The following CLTC variants were observed in gnomAD, a reference collection of about 807,000 sequenced individuals.
CLTC encodes clathrin heavy chain 1.
CLTC carries 16 observed loss-of-function variants against 195.8 expected under a neutral mutation model. The ratio of observed to expected loss-of-function variants is 0.08; its 90% confidence interval spans 0.06 to 0.12. The LOEUF (loss-of-function observed/expected upper bound fraction) is 0.12, where lower values mean the gene tolerates loss of function less well. Ranked by LOEUF, CLTC falls within the 10% of genes least tolerant of loss-of-function variation. The pLI is 1.00. For synonymous variants in CLTC, 667 were observed against 689.4 expected (o/e 0.97, Z 0.51); for missense variants, 796 against 2,027.0 (o/e 0.39, Z 11.66).
rs1245547029 is a variant in CLTC at position 59,681,446 on chromosome 17, C to T, written c.3217C>T (p.Arg1073Trp). ...ELFEEAFAIF[R>W]KFDVNTSAVQ... ...GTTTGAAGAAGCATTTGCCATTTTC[C>T]GGAAATTTGATGTCAATACTTCAGC... The change falls in exon 20 of 32, where the codon CGG becomes TGG. Residue 1073 changes from arginine (R) to tryptophan (W), a missense_variant. Arg to Trp is a moderately radical substitution (Grantham distance 101, BLOSUM62 -3). This residue lies in a region of CLTC where 160 missense variants were observed against 448.2 expected (regional missense o/e 0.36). Transcript: ENST00000269122. This position sits in a 1 kb window ranked among gnomAD's most constrained non-coding sequence, Gnocchi z 5.0. 5.0e-6 allele frequency: 8 copies of T among 1,613,942 alleles called. No individual in the cohort carries two copies. Among genetic ancestry groups the T allele is most frequent in the Admixed American group, 1.7e-5 (1 of 59,996 alleles).
intron 10 of CLTC, among the ~76,000 whole-genome samples, 163 bp from the exon 11 acceptor site, chr17:59,665,940 T>C (rs1396894709): frequency 1.3e-5 from 2 of 152,232 alleles, no homozygotes; most frequent in African/African-American, 4.8e-5. Context: ...GTTGTTTTTA[T>C]CAGAACTCAA....
intron 31 of CLTC, 25 bp from the exon 32 acceptor site, chr17:59,693,703 T>A (rs1356285566): frequency 3.7e-6 from 6 of 1,604,246 alleles, no homozygotes; most frequent in Admixed American, 3.4e-5. Context: ...TGCCCCCTGC[T>A]CCTTTTTGTT....
chr17:59,629,773 C>A (rs2143451694), intron 1 of CLTC, among the ~76,000 whole-genome samples: 1 of 152,218 alleles, frequency 6.6e-6, no homozygotes, highest in East Asian at 1.9e-4. Context: ...CCTGCTTTGG[C>A]CTCCCAAAGT....
At chr17:59,641,875 A>G (rs1426259428) in intron 1 of CLTC, among the ~76,000 whole-genome samples, 1 of 151,834 alleles carries the variant, frequency 6.6e-6, no homozygotes, top group Non-Finnish European at 1.5e-5. Context: ...TTTTGCAGAG[A>G]TGGGGTCTCA....
At chr17:59,651,178 T>A (rs2032319575) in intron 4 of CLTC, 25 bp from the exon 5 acceptor site, 3 of 1,443,870 alleles carry the variant, frequency 2.1e-6, no homozygotes, top group Admixed American at 3.4e-5. Flanking sequence ...TAGGTTTATA[T>A]ACATTTTGAT....
At chr17:59,658,482 C>T (rs1217472161) in intron 6 of CLTC, among the ~76,000 whole-genome samples, 1 of 152,196 alleles carries the variant, frequency 6.6e-6, no homozygotes, top group African/African-American at 2.4e-5. Context: ...GTGCCAGCTA[C>T]TTTGAGTAAA....
At chr17:59,632,218 A>G (rs2031740991) in intron 1 of CLTC, among the ~76,000 whole-genome samples, 1 of 151,856 alleles carries the variant, frequency 6.6e-6, no homozygotes, top group Non-Finnish European at 1.5e-5. Flanking sequence ...AATACAAAAA[A>G]TTAGCTGGGC....
At chr17:59,626,345 C>G (rs900110617) in intron 1 of CLTC, among the ~76,000 whole-genome samples, 1 of 152,058 alleles carries the variant, frequency 6.6e-6, no homozygotes, top group African/African-American at 2.4e-5. Flanking sequence ...GAAACTGCCC[C>G]CCAAAAAGAA....
intron 1 of CLTC, among the ~76,000 whole-genome samples, chr17:59,635,039 A>G (rs1021589247): frequency 2.6e-5 from 4 of 152,242 alleles, no homozygotes; most frequent in Non-Finnish European, 5.9e-5. Context: ...AAATGCTTGT[A>G]TTGAGAGATG....
intron 6 of CLTC, among the ~76,000 whole-genome samples, chr17:59,657,364 A>T (rs879542178): frequency 3.3e-5 from 5 of 152,124 alleles, no homozygotes; most frequent in Non-Finnish European, 5.9e-5. Flanking sequence ...AGAAAAAGGG[A>T]TTGTCTTTAG....
At chr17:59,684,306 T>G (rs1200015753) in intron 28 of CLTC, 4 of 206,960 alleles carry the variant, frequency 1.9e-5, no homozygotes, top group Non-Finnish European at 3.9e-5. Context: ...TTAACTATAT[T>G]TATTCACCAT....
intron 1 of CLTC, among the ~76,000 whole-genome samples, chr17:59,627,139 A>T (rs1458327587): frequency 6.6e-6 from 1 of 152,244 alleles, no homozygotes; most frequent in East Asian, 1.9e-4. Context: ...GGGCTCAAGC[A>T]GTCCACCTGC....
Position 59,626,455 on chromosome 17 carries a change from A to T in CLTC, c.42+6282A>T, listed in dbSNP as rs1033717321. Among the ~76,000 whole-genome samples the T allele has an allele frequency of 3.3e-5, 5 of 152,310 alleles. 1 individual carries two copies. The South Asian group carries it at 6.2e-4, about 19-fold the overall frequency. On this transcript the variant is annotated intron_variant, in intron 1 of 31. Coordinates refer to ENST00000269122, the MANE Select transcript of CLTC (RefSeq NM_004859.4). ...TTGAACAGACATATTTGAAAAAAAAACTTAATGAATCATATCGGATAAAAT... is the reference window on the plus strand; with the variant it reads ...TTGAACAGACATATTTGAAAAAAAATCTTAATGAATCATATCGGATAAAAT...
At chr17:59,673,555 C>A in intron 14 of CLTC, 92 bp from the exon 15 acceptor site, 4 of 925,684 alleles carry the variant, frequency 4.3e-6, no homozygotes, top group Non-Finnish European at 5.0e-6. Context: ...GTGAGCCTCT[C>A]TTGTTAGCGT....
At chr17:59,629,455 T>C (rs1244236116) in intron 1 of CLTC, among the ~76,000 whole-genome samples, 1 of 151,890 alleles carries the variant, frequency 6.6e-6, no homozygotes, top group East Asian at 1.9e-4. Flanking sequence ...TTGGATGTTA[T>C]AAGCAGATGA....
chr17:59,682,433 G>GTTTCCTTTTCAGATTT lies in CLTC; in HGVS notation c.3600+6_3600+21dup. 2 of 1,613,708 alleles carry GTTTCCTTTTCAGATTT rather than the reference G, an allele frequency of 1.2e-6. No homozygotes were observed. The highest frequency in any genetic ancestry group is 1.7e-6 in the Non-Finnish European group (2 of 1,179,830). On this transcript the variant is annotated splice_donor_region_variant and intron_variant, in intron 22 of 31. Coordinates refer to ENST00000269122, the MANE Select transcript of CLTC (RefSeq NM_004859.4). This position sits in a 1 kb window ranked among gnomAD's most constrained non-coding sequence, Gnocchi z 6.8. ...AATAATGCTCATATCCAACAAGTGGGTTTCCTTTTCAGATTTAAGAAAAAC... is the reference window on the plus strand; with the variant it reads ...AATAATGCTCATATCCAACAAGTGGGTTTCCTTTTCAGATTTTTTCCTTTTCAGATTTAAGAAAAAC...
intron 5 of CLTC, among the ~76,000 whole-genome samples, chr17:59,654,294 G>A (rs1397462844): frequency 6.6e-6 from 1 of 151,310 alleles, no homozygotes; most frequent in Non-Finnish European, 1.5e-5. Flanking sequence ...TTGTGCCTCA[G>A]CCTCCCATGT....
At chr17:59,631,969 C>CAGA (rs2031731949) in intron 1 of CLTC, among the ~76,000 whole-genome samples, 1 of 127,368 alleles carries the variant, frequency 7.9e-6, no homozygotes, top group Non-Finnish European at 1.6e-5. Context: ...GACCCTATCT[C>CAGA]AAAAAAAAAA....
At chr17:59,653,263 G>A (rs926656275) in intron 5 of CLTC, among the ~76,000 whole-genome samples, 20 of 149,436 alleles carry the variant, frequency 1.3e-4, no homozygotes, top group Admixed American at 8.7e-4. Flanking sequence ...GTGCGATCTC[G>A]GCTCACTGCA....
Sources: gnomAD v4.1 joint callset for allele counts (sites outside exome capture counted in the v4.1 genomes callset) on GRCh38, gnomAD v4.1.1 for gene constraint, gnomAD v4.1.1 regional missense constraint, Gnocchi (gnomAD v3.1) non-coding constraint, MANE v1.5 for transcripts, NCBI Gene and HGNC (gene_info 2026-07-23, HGNC 2026-07-21) for gene names.